The following MYOCD variants were observed in gnomAD, a reference collection of about 807,000 sequenced individuals.
MYOCD encodes myocardin.
Under a neutral mutation model 96.1 loss-of-function variants are expected in MYOCD, and 32 were observed. The ratio of observed to expected loss-of-function variants is 0.33; its 90% CI spans 0.25 to 0.45. MYOCD has a LOEUF of 0.45. Ranked by LOEUF, MYOCD falls within the 20% of genes least tolerant of loss-of-function variation. MYOCD has a pLI of 1.00. For missense variants in MYOCD, 1,133 were observed against 1,200.6 expected, an observed-to-expected ratio of 0.94 and a Z score of 0.83; for synonymous variants, 469 against 469.0, an observed-to-expected ratio of 1.00 and a Z score of 0.00.
chr17:12,746,172 G>T, intron 9 of MYOCD, 100 bp downstream of exon 9: 1 of 1,313,800 alleles, frequency 7.6e-7, no homozygotes, highest in Non-Finnish European at 1.1e-6. Flanking sequence ...AAGAGAGTGG[G>T]AGGGGAAGAA....
chr17:12,718,705 C>T (rs1406693665), intron 4 of MYOCD, among the ~76,000 whole-genome samples: 1 of 152,046 alleles, frequency 6.6e-6, no homozygotes, highest in African/African-American at 2.4e-5. Context: ...CTTTGATCTG[C>T]GTGAGGCAGC....
chr17:12,753,154 T>A lies in MYOCD; in HGVS notation c.1866T>A (p.Asn622Lys). Residue 622 changes from asparagine (N) to lysine (K), a missense_variant, in exon 10 of 14, where the codon AAT becomes AAA. Coordinates refer to ENST00000425538, the MANE Select transcript of MYOCD (RefSeq NM_001146312.3). ...AHCVESSDQTNVLSSTFLSPQ... is the reference protein window; with the variant it reads ...AHCVESSDQTKVLSSTFLSPQ... ...GTGTGGAGTCCTCAGATCAAACCAA[T>A]GTACTTTCTTCCACATTTCTCAGCC... 1 of 1,614,178 alleles carries A rather than the reference T, an allele frequency of 6.2e-7. No homozygotes were observed. The highest frequency in any genetic ancestry group is 8.5e-7 in the Non-Finnish European group (1 of 1,180,040).
At chr17:12,749,985 G>C (rs1244539650) in intron 9 of MYOCD, among the ~76,000 whole-genome samples, 1 of 151,960 alleles carries the variant, frequency 6.6e-6, no homozygotes, top group Non-Finnish European at 1.5e-5. Flanking sequence ...GAATAGCTGG[G>C]ACTACAGGCG....
chr17:12,710,319 C>G (rs557968654), intron 2 of MYOCD, among the ~76,000 whole-genome samples: 2 of 152,298 alleles, frequency 1.3e-5, no homozygotes, highest in South Asian at 4.1e-4. Flanking sequence ...CTAAAGTGGA[C>G]TTGAGAGGAC....
At chr17:12,751,978 G>A (rs991192150) in intron 9 of MYOCD, among the ~76,000 whole-genome samples, 6 of 152,290 alleles carry the variant, frequency 3.9e-5, no homozygotes, top group Middle Eastern at 3.4e-3. Flanking sequence ...CAGGTTTGAG[G>A]AAGAGAACGT....
At chr17:12,676,828 C>A (rs551380759) in intron 1 of MYOCD, among the ~76,000 whole-genome samples, 1 of 152,264 alleles carries the variant, frequency 6.6e-6, no homozygotes, top group East Asian at 1.9e-4. Flanking sequence ...ATCCTGGCCT[C>A]CATCCTTATT....
chr17:12,687,384 C>T (rs1209573573), intron 1 of MYOCD, among the ~76,000 whole-genome samples: 1 of 152,080 alleles, frequency 6.6e-6, no homozygotes, highest in African/African-American at 2.4e-5. Flanking sequence ...GAGTTATTTT[C>T]ACCTTCCCAC....
chr17:12,739,103 T>C, intron 6 of MYOCD, 100 bp from the exon 7 acceptor site: 1 of 1,359,858 alleles, frequency 7.4e-7, no homozygotes, highest in Non-Finnish European at 1.0e-6. Flanking sequence ...GGTGAGAAGC[T>C]AGGATGAAAG....
At chr17:12,715,115 C>A (rs1387430397) in intron 2 of MYOCD, among the ~76,000 whole-genome samples, 1 of 152,122 alleles carries the variant, frequency 6.6e-6, no homozygotes, top group African/African-American at 2.4e-5. Flanking sequence ...CCACAGTCAT[C>A]CCCCAAGCCT....
At chr17:12,743,486 C>CTTTTTTTTTTT (rs373893604) in intron 7 of MYOCD, among the ~76,000 whole-genome samples, 1 of 98,340 alleles carries the variant, frequency 1.0e-5, no homozygotes, top group African/African-American at 4.0e-5. Context: ...TATGAAAGTT[C>CTTTTTTTTTTT]TTTTTTTTTT....
intron 9 of MYOCD, 79 bp downstream of exon 9, chr17:12,746,151 A>G (rs2032659303): frequency 1.4e-6 from 2 of 1,448,506 alleles, no homozygotes; most frequent in Non-Finnish European, 1.9e-6. Context: ...GGACCAACTG[A>G]TATCTGGAGT....
At chr17:12,691,182 C>T (rs754204778) in intron 1 of MYOCD, among the ~76,000 whole-genome samples, 6 of 152,182 alleles carry the variant, frequency 3.9e-5, no homozygotes, top group East Asian at 1.9e-4. Flanking sequence ...TCTACTCTAT[C>T]GTGACTCAGT....
rs548717673 is a variant in MYOCD at position 12,763,578 on chromosome 17, C to G, written c.2895C>G (p.Ile965Met). The G allele has an allele frequency of 1.2e-6, 2 of 1,614,114 alleles. No individual in the cohort carries two copies. The highest frequency in any genetic ancestry group is 1.3e-5 in the African/African-American group (1 of 75,030). ...LTTSSPSIFN[I>M]DFLDVTDLNL... ...CCAGCAGCCCCAGCATCTTCAACAT[C>G]GATTTCCTGGATGTCACTGATCTCA... is the stretch of plus-strand genomic sequence containing the variant. Residue 965 changes from isoleucine to methionine, a missense_variant, in exon 14 of 14, where the codon ATC becomes ATG. Physicochemically the swap from Ile to Met is conservative, Grantham distance 10. Coordinates refer to ENST00000425538, the MANE Select transcript of MYOCD (RefSeq NM_001146312.3).
At chr17:12,730,167 G>A (rs923474499) in intron 5 of MYOCD, among the ~76,000 whole-genome samples, 3 of 151,966 alleles carry the variant, frequency 2.0e-5, no homozygotes, top group Admixed American at 2.0e-4. Context: ...GAAAAAAAAG[G>A]CCAGGCGTGG....
rs543453225 is a variant in MYOCD at position 12,764,937 on chromosome 17, G to A, written c.*1293G>A. 4 of 152,296 alleles carry A rather than the reference G, an allele frequency of 2.6e-5. No homozygotes were observed. The highest frequency in any genetic ancestry group is 4.4e-5 in the Non-Finnish European group (3 of 68,030). The allele number at this position is 152,296 out of a possible 1,614,324, so 9.4% of individuals were successfully genotyped here. ...ACTGGTGACTTGGTCCATCAGTCACGAAGTTCTTTCTATTCTCGTTTAGTT... is the reference window on the plus strand; with the variant it reads ...ACTGGTGACTTGGTCCATCAGTCACAAAGTTCTTTCTATTCTCGTTTAGTT... On this transcript the variant is annotated 3_prime_UTR_variant, in exon 14 of 14. Transcript: ENST00000425538.
intron 1 of MYOCD, among the ~76,000 whole-genome samples, chr17:12,670,043 A>G (rs1396339386): frequency 6.6e-6 from 1 of 152,118 alleles, no homozygotes; most frequent in Non-Finnish European, 1.5e-5. Flanking sequence ...CAGCCAGCTT[A>G]TGGGTGAGGA....
At chr17:12,741,343 C>T (rs916308532) in intron 7 of MYOCD, among the ~76,000 whole-genome samples, 7 of 152,036 alleles carry the variant, frequency 4.6e-5, no homozygotes, top group African/African-American at 2.4e-5. Context: ...AGATGAGTCC[C>T]GTTATTTCTA....
rs768306483 is a variant in MYOCD at position 12,752,473 on chromosome 17, G to A, written c.1185G>A (p.Thr395=). Residue 395 remains threonine (T), a synonymous_variant, in exon 10 of 14, where the codon ACG becomes ACA. Transcript: ENST00000425538. ...IRGLPVSGTK[T]ALMDRLRPFQ... ...GCTTGCCTGTGTCAGGCACCAAAACGGCTCTCATGGACCGGCTTCGACCCT... is the reference window on the plus strand; with the variant it reads ...GCTTGCCTGTGTCAGGCACCAAAACAGCTCTCATGGACCGGCTTCGACCCT... 2.7e-5 allele frequency: 44 copies of A among 1,613,982 alleles called. No individual in the cohort carries two copies. Among genetic ancestry groups the A allele is most frequent in the Admixed American group, 1.3e-4 (8 of 60,006 alleles).
intron 1 of MYOCD, among the ~76,000 whole-genome samples, chr17:12,689,641 G>A (rs555509595): frequency 2.6e-5 from 4 of 152,244 alleles, no homozygotes; most frequent in African/African-American, 9.6e-5. Flanking sequence ...AGACCAGCCT[G>A]GCCAACATGG....
Sources: allele counts gnomAD v4.1 joint callset (sites outside exome capture counted in the v4.1 genomes callset), GRCh38; gene constraint gnomAD v4.1.1; transcripts MANE v1.5; gene names NCBI Gene and HGNC (gene_info 2026-07-23, HGNC 2026-07-21).